TNPO1: variants seen among roughly 807,000 people sequenced by gnomAD.
TNPO1 encodes the protein transportin 1.
In TNPO1, 8 loss-of-function variants were observed where a neutral mutation model predicts 119.5. That is an observed-to-expected ratio of 0.07 (90% CI 0.04 to 0.12). The LOEUF (loss-of-function observed/expected upper bound fraction) is 0.12, where lower values mean the gene tolerates loss of function less well. Ranked by LOEUF, TNPO1 falls within the 10% of genes least tolerant of loss-of-function variation. The pLI, the probability that TNPO1 is intolerant of heterozygous loss-of-function variation, is 1.00. For synonymous variants in TNPO1, 362 were observed against 363.0 expected, an observed-to-expected ratio of 1.00 and a Z score of 0.03; for missense variants, 576 against 1,089.8, an observed-to-expected ratio of 0.53 and a Z score of 6.64.
intron 4 of TNPO1, among the ~76,000 whole-genome samples, chr5:72,860,369 A>G (rs139886378): frequency 6.6e-6 from 1 of 152,378 alleles, no homozygotes. Context: ...TGGCACTAAA[A>G]GATCCATAAT....
intron 7 of TNPO1, among the ~76,000 whole-genome samples, chr5:72,875,319 G>A (rs914224706): frequency 6.6e-6 from 1 of 152,106 alleles, no homozygotes; most frequent in African/African-American, 2.4e-5. Context: ...CTCTGCTTCT[G>A]GGTGAGCAAA....
chr5:72,888,406 A>C, intron 13 of TNPO1, 103 bp downstream of exon 13: 1 of 1,035,850 alleles, frequency 9.7e-7, no homozygotes, highest in Non-Finnish European at 1.4e-6. Context: ...AGTGTTTCGT[A>C]ATTGAAAATT....
chr5:72,860,605 C>A (rs889091004), intron 4 of TNPO1, among the ~76,000 whole-genome samples: 1 of 152,208 alleles, frequency 6.6e-6, no homozygotes, highest in African/African-American at 2.4e-5. Context: ...CCTCGAAGAT[C>A]GCCTTTCTGG....
At chr5:72,898,480 A>G (rs1749597981) in intron 20 of TNPO1, among the ~76,000 whole-genome samples, 1 of 152,112 alleles carries the variant, frequency 6.6e-6, no homozygotes, top group Admixed American at 6.5e-5. Flanking sequence ...GATTCATTAG[A>G]TTACCTCTTA....
chr5:72,890,696 G>C (rs567337765), intron 14 of TNPO1, among the ~76,000 whole-genome samples: 3 of 152,126 alleles, frequency 2.0e-5, no homozygotes, highest in Non-Finnish European at 2.9e-5. Flanking sequence ...CTGTTTACAT[G>C]ATCACTATGT....
chr5:72,852,058 T>G (rs1745619457), intron 3 of TNPO1, among the ~76,000 whole-genome samples: 1 of 152,202 alleles, frequency 6.6e-6, no homozygotes, highest in Admixed American at 6.5e-5. Flanking sequence ...TTCAATTATA[T>G]CCTTCTCTGC....
chr5:72,901,749 TCAG>T (rs976598759), intron 22 of TNPO1, among the ~76,000 whole-genome samples: 2 of 152,194 alleles, frequency 1.3e-5, no homozygotes, highest in African/African-American at 4.8e-5. Context: ...CCTGGATTCT[TCAG>T]CAGACACGTT....
At chr5:72,824,842 A>G (rs149084935) in intron 1 of TNPO1, among the ~76,000 whole-genome samples, 111 of 152,122 alleles carry the variant, frequency 7.3e-4, no homozygotes, top group South Asian at 2.9e-3. Flanking sequence ...TACCTATTCA[A>G]CATCTCCCCT....
chr5:72,882,396 T>G lies in TNPO1; in HGVS notation c.921-71T>G. ...ATCTCATTGGTTTTATTAGTACATGTAAGGTTAAGACTTATTAATTATTCT... is the reference window on the plus strand; with the variant it reads ...ATCTCATTGGTTTTATTAGTACATGGAAGGTTAAGACTTATTAATTATTCT... On this transcript the variant is annotated intron_variant, in intron 9 of 24. Coordinates refer to ENST00000337273, the MANE Select transcript of TNPO1 (RefSeq NM_002270.4). 3 of 1,162,460 alleles carry G rather than the reference T, an allele frequency of 2.6e-6. No individual in the cohort carries two copies. The Admixed American group carries it at 6.3e-5, about 24-fold the overall frequency. The allele number at this position is 1,162,460 out of a possible 1,614,324, so 72.0% of individuals were successfully genotyped here.
intron 15 of TNPO1, among the ~76,000 whole-genome samples, chr5:72,892,779 G>A (rs1749157604): frequency 6.6e-6 from 1 of 152,122 alleles, no homozygotes; most frequent in Admixed American, 6.5e-5. Context: ...CTTTCCGGCA[G>A]GATCTCAGAA....
In TNPO1 at chr5:72,913,155, A is replaced by G. The variant is rs1362775031; in HGVS notation, c.*4482A>G. 1.3e-5 allele frequency: 2 copies of G among 152,508 alleles called. No homozygotes were observed. The highest frequency in any genetic ancestry group is 1.9e-4 in the East Asian group (1 of 5,196). 9.4% of individuals were successfully genotyped at this position (152,508 alleles called of 1,614,324 possible). A position where few individuals can be genotyped will look rare whatever the true frequency, so the allele number is the denominator to read the frequency against. ...TATTATCTGGTAATAATACCATGCA[A>G]TATAGCGTTGTATACCAACTTAGTG... On this transcript the variant is annotated 3_prime_UTR_variant, in exon 25 of 25. Coordinates refer to ENST00000337273, the MANE Select transcript of TNPO1 (RefSeq NM_002270.4).
At chr5:72,827,930 A>C (rs1012467678) in intron 1 of TNPO1, among the ~76,000 whole-genome samples, 1 of 152,022 alleles carries the variant, frequency 6.6e-6, no homozygotes, top group Non-Finnish European at 1.5e-5. Flanking sequence ...AAAAAAAAAA[A>C]AAGAGTTTTC....
chr5:72,897,393 A>T (rs1749508410), intron 20 of TNPO1, among the ~76,000 whole-genome samples: 1 of 152,120 alleles, frequency 6.6e-6, no homozygotes, highest in South Asian at 2.1e-4. Flanking sequence ...CAGTGTTTTA[A>T]TACTTCCTGC....
intron 24 of TNPO1, among the ~76,000 whole-genome samples, chr5:72,906,014 T>C (rs551506939): frequency 6.6e-6 from 1 of 152,260 alleles, no homozygotes; most frequent in East Asian, 1.9e-4. Flanking sequence ...GAAATCCACG[T>C]TGGTACACTG....
At chr5:72,876,122 CG>C (rs947815399) in intron 8 of TNPO1, among the ~76,000 whole-genome samples, 1 of 152,094 alleles carries the variant, frequency 6.6e-6, no homozygotes, top group Non-Finnish European at 1.5e-5. Context: ...AAAAGTCAGG[CG>C]GGACTGATTG....
intron 11 of TNPO1, 36 bp from the exon 12 acceptor site, chr5:72,887,034 G>C: frequency 6.3e-7 from 1 of 1,576,670 alleles, no homozygotes. Context: ...GTAATAAGAG[G>C]TTAATGTAAT....
At chr5:72,860,835 A>G (rs1316108334) in intron 4 of TNPO1, among the ~76,000 whole-genome samples, 2 of 152,152 alleles carry the variant, frequency 1.3e-5, no homozygotes, top group South Asian at 2.1e-4. Context: ...TAACAGACTC[A>G]TAAGTTTATC....
chr5:72,845,710 A>G (rs970153520), intron 1 of TNPO1, among the ~76,000 whole-genome samples: 1 of 152,200 alleles, frequency 6.6e-6, no homozygotes, highest in African/African-American at 2.4e-5. Context: ...TGTCCTTAAT[A>G]CTAAGCTGTT....
intron 7 of TNPO1, among the ~76,000 whole-genome samples, chr5:72,874,028 TAAATG>T (rs1163535279): frequency 2.6e-5 from 4 of 152,252 alleles, no homozygotes; most frequent in African/African-American, 9.6e-5. Context: ...TAATCTAAAA[TAAATG>T]AAATTGAATT....
Sources: allele counts gnomAD v4.1 joint callset (sites outside exome capture counted in the v4.1 genomes callset), GRCh38; gene constraint gnomAD v4.1.1; transcripts MANE v1.5; gene names NCBI Gene and HGNC (gene_info 2026-07-23, HGNC 2026-07-21).